The following QSER1 variants were observed in gnomAD, a reference collection of about 807,000 sequenced individuals.
QSER1 encodes glutamine and serine rich 1, also known as glutamine and serine-rich protein 1.
QSER1 carries 49 observed loss-of-function variants against 158.5 expected under a neutral mutation model. The observed-to-expected ratio is 0.31, with a 90% confidence interval of 0.25 to 0.39. The LOEUF (loss-of-function observed/expected upper bound fraction) is 0.39, where lower values mean the gene tolerates loss of function less well. Among genes scored for constraint, QSER1 ranks in the 10% least tolerant of loss-of-function variants. The pLI is 1.00. For synonymous variants in QSER1, 650 were observed against 715.5 expected (o/e 0.91, Z 1.46); for missense variants, 1,754 against 2,010.3 (o/e 0.87, Z 2.44).
chr11:32,971,245 A>G (rs1852850188), intron 10 of QSER1, among the ~76,000 whole-genome samples: 2 of 152,316 alleles, frequency 1.3e-5, no homozygotes, highest in East Asian at 3.9e-4. Context: ...GCAAAATTAC[A>G]TAATATTAAG....
At chr11:32,964,948 A>G (rs1852711465) in intron 8 of QSER1, among the ~76,000 whole-genome samples, 1 of 151,358 alleles carries the variant, frequency 6.6e-6, no homozygotes, top group Non-Finnish European at 1.5e-5. Context: ...CTGGTCTTGA[A>G]CTCCCAGGCT....
At chr11:32,931,482 G>C (rs895002384) in intron 3 of QSER1, among the ~76,000 whole-genome samples, 2 of 152,020 alleles carry the variant, frequency 1.3e-5, no homozygotes, top group African/African-American at 4.8e-5. Context: ...GGACACTGCG[G>C]CTGCAGTGAG....
intron 8 of QSER1, among the ~76,000 whole-genome samples, chr11:32,964,910 T>C (rs1345692495): frequency 6.6e-6 from 1 of 151,546 alleles, no homozygotes; most frequent in Admixed American, 6.6e-5. Context: ...TTTTTTTTTT[T>C]AGATGGAGTC....
chr11:32,916,177 G>T (rs766830489), intron 1 of QSER1, among the ~76,000 whole-genome samples: 18 of 152,052 alleles, frequency 1.2e-4, no homozygotes, highest in Admixed American at 7.9e-4. Context: ...CTGGGATTAC[G>T]GGCATGAGCC....
intron 1 of QSER1, among the ~76,000 whole-genome samples, chr11:32,921,100 G>A (rs1370387678): frequency 6.6e-6 from 1 of 152,106 alleles, no homozygotes; most frequent in African/African-American, 2.4e-5. Context: ...CAACCCAAAT[G>A]TCCATCAGCT....
chr11:32,892,935 C>T lies in QSER1; in HGVS notation c.-191C>T, dbSNP rs947645780. The stretch of plus-strand genomic sequence containing the variant: ...CTGGGGCCTCGCCGCCCGCCGCGGC[C>T]CGGGTCTTTGCGGCCCAGACTCGCC... On this transcript the variant is annotated 5_prime_UTR_variant, in exon 1 of 13. Coordinates refer to ENST00000650167, the MANE Select transcript of QSER1 (RefSeq NM_001076786.3). Among the ~76,000 whole-genome samples the T allele has an allele frequency of 1.4e-5, 2 of 147,490 alleles. No homozygotes were observed. Among genetic ancestry groups the T allele is most frequent in the African/African-American group, 4.9e-5 (2 of 40,564 alleles).
In QSER1 at chr11:32,934,403, TC is replaced by T; in HGVS notation, c.3147del (p.Leu1050Ter). On this transcript the variant is annotated frameshift_variant, in exon 4 of 13. Coordinates refer to ENST00000650167, the MANE Select transcript of QSER1 (RefSeq NM_001076786.3). LOFTEE classifies it high-confidence loss of function. ...VGKPQNINDT[S>X]LNGNQVTVNL... is the part of the protein sequence containing the mutation. ...AAAGCCACAGAATATAAATGATACT[TC>T]CTTAAATGGAAATCAGGTTACTGTG... 6.2e-7 allele frequency: 1 copy of T among 1,613,812 alleles called. No individual in the cohort carries two copies.
rs200211395 is a variant in QSER1 at position 32,928,038 on chromosome 11, G to T, written c.399G>T (p.Leu133=). ...NTKESSVMNF[L]STAESRTAQA... ...AAGAGTCTTCAGTGATGAATTTTCTGTCTACTGCTGAATCCCGAACTGCTC... is the reference window on the plus strand; with the variant it reads ...AAGAGTCTTCAGTGATGAATTTTCTTTCTACTGCTGAATCCCGAACTGCTC... The change falls in exon 3 of 13, where the codon CTG becomes CTT. Residue 133 remains leucine, a synonymous_variant. Transcript: ENST00000650167. The T allele has an allele frequency of 9.1e-5, 146 of 1,611,344 alleles. No homozygotes were observed. The African/African-American group carries it at 1.6e-3, about 17-fold the overall frequency.
At chr11:32,952,491 A>G (rs916250584) in intron 4 of QSER1, among the ~76,000 whole-genome samples, 1 of 152,042 alleles carries the variant, frequency 6.6e-6, no homozygotes, top group Non-Finnish European at 1.5e-5. Context: ...TTCTTTTTGT[A>G]TGTTGGTGGA....
At chr11:32,958,116 T>C in intron 8 of QSER1, 30 bp downstream of exon 8, 1 of 1,537,724 alleles carries the variant, frequency 6.5e-7, no homozygotes, top group Non-Finnish European at 9.0e-7. Context: ...GCTACCCTGA[T>C]AACTTTAGAT....
chr11:32,956,380 T>C (rs886399151), intron 7 of QSER1, among the ~76,000 whole-genome samples: 2 of 152,080 alleles, frequency 1.3e-5, no homozygotes, highest in African/African-American at 2.4e-5. Context: ...TGAAAAAAAA[T>C]TGTAGAGGCA....
intron 6 of QSER1, among the ~76,000 whole-genome samples, chr11:32,955,660 A>G (rs1399567693): frequency 6.6e-6 from 1 of 152,144 alleles, no homozygotes; most frequent in East Asian, 1.9e-4. Flanking sequence ...AAAGGGATTA[A>G]TGTTAGCCTA....
rs1481792876 is a variant in QSER1, at chr11:32,977,256, A to C, written c.*782A>C. 6.6e-6 allele frequency: 1 copy of C among 152,582 alleles called. No homozygotes were observed. The highest frequency in any genetic ancestry group is 1.5e-5 in the Non-Finnish European group (1 of 68,030). 9.5% of individuals were successfully genotyped at this position (152,582 alleles called of 1,614,324 possible). A position where few individuals can be genotyped will look rare whatever the true frequency, so the allele number is the denominator to read the frequency against. ...AATGTTGTGGTTATAATTACGTTTG[A>C]TATATCTCTACAACACCTTTTGTTA... On this transcript the variant is annotated 3_prime_UTR_variant, in exon 13 of 13. Coordinates refer to ENST00000650167, the MANE Select transcript of QSER1 (RefSeq NM_001076786.3).
At chr11:32,944,403 T>G (rs557708027) in intron 4 of QSER1, among the ~76,000 whole-genome samples, 5,437 of 149,830 alleles carry the variant, frequency 0.036, 340 homozygotes, top group African/African-American at 0.13. Flanking sequence ...ACACACTGCT[T>G]TGAATGCATC....
chr11:32,966,878 T>G (rs1852758942), intron 9 of QSER1, among the ~76,000 whole-genome samples: 1 of 152,240 alleles, frequency 6.6e-6, no homozygotes. Context: ...AAAATTAGTA[T>G]TAAACCAGTA....
At chr11:32,961,765 G>A (rs935320034) in intron 8 of QSER1, among the ~76,000 whole-genome samples, 1 of 152,048 alleles carries the variant, frequency 6.6e-6, no homozygotes, top group African/African-American at 2.4e-5. Context: ...TTTTCCTTCT[G>A]TGTCTGGCTT....
intron 8 of QSER1, among the ~76,000 whole-genome samples, chr11:32,958,535 A>G (rs1194198333): frequency 6.6e-6 from 1 of 152,048 alleles, no homozygotes; most frequent in African/African-American, 2.4e-5. Flanking sequence ...ATAGGTGTGC[A>G]CCACCATGCC....
chr11:32,949,786 A>G (rs1321217112), intron 4 of QSER1, among the ~76,000 whole-genome samples: 2 of 152,240 alleles, frequency 1.3e-5, no homozygotes, highest in Non-Finnish European at 2.9e-5. Context: ...TTGAGTGGGA[A>G]ATGTATAAAT....
In QSER1 at chr11:32,957,942, G is replaced by A. The variant is rs1163491974; in HGVS notation, c.4825G>A (p.Ala1609Thr). 6.2e-6 allele frequency: 10 copies of A among 1,613,918 alleles called. No individual in the cohort carries two copies. In the East Asian group the frequency reaches 6.7e-5, roughly 11 times the overall value. The change falls in exon 8 of 13, where the codon GCC (alanine) becomes ACC (threonine). Residue 1609 changes from alanine (A) to threonine (T), a missense_variant. Ala to Thr is a moderately conservative substitution (Grantham distance 58). Around this residue, in one of 2 missense-constraint regions of QSER1, gnomAD observed 1,707 missense variants for 1,919.6 expected, o/e 0.89. Coordinates refer to ENST00000650167, the MANE Select transcript of QSER1 (RefSeq NM_001076786.3). The part of the protein sequence containing the change: ...PLASKTTTTK[A>T]PSVKPKVKQP... ...AGCATCAAAAACTACAACTACAAAA[G>A]CCCCTTCCGTGAAACCCAAAGTTAA...
Sources: allele counts gnomAD v4.1 joint callset (sites outside exome capture counted in the v4.1 genomes callset), GRCh38; gene constraint gnomAD v4.1.1; regional missense constraint gnomAD v4.1.1; transcripts MANE v1.5; gene names NCBI Gene and HGNC (gene_info 2026-07-23, HGNC 2026-07-21).